Variants in SLC4A5 observed in about 807,000 individuals in gnomAD.
The protein encoded by SLC4A5 is solute carrier family 4 member 5, also known as electrogenic sodium bicarbonate cotransporter 4.
Under a neutral mutation model 120.4 loss-of-function variants are expected in SLC4A5, and 96 were observed. That is an observed-to-expected ratio of 0.80 (90% CI 0.68 to 0.94). The LOEUF is 0.94. Among genes scored for constraint, SLC4A5 ranks in the 40% least tolerant of loss-of-function variants. The pLI, the probability that SLC4A5 is intolerant of heterozygous loss-of-function variation, is 0.00. For missense variants in SLC4A5, 1,259 were observed against 1,459.5 expected, an observed-to-expected ratio of 0.86 and a Z score of 2.24; for synonymous variants, 550 against 571.1, an observed-to-expected ratio of 0.96 and a Z score of 0.53.
chr2:74,250,683 G>A, intron 16 of SLC4A5, 166 bp from the exon 17 acceptor site: 2 of 774,426 alleles, frequency 2.6e-6, no homozygotes, highest in South Asian at 1.8e-5. Context: ...ATGAATTCCT[G>A]TAGGACTGAG....
At chr2:74,267,081 G>A (rs1671323940) in intron 8 of SLC4A5, among the ~76,000 whole-genome samples, 1 of 152,182 alleles carries the variant, frequency 6.6e-6, no homozygotes, top group African/African-American at 2.4e-5. Context: ...AACCTTACCA[G>A]TAATCATGGA....
chr2:74,336,841 C>T (rs11887601), intron 3 of SLC4A5, among the ~76,000 whole-genome samples: 11,227 of 152,268 alleles, frequency 0.074, 1,371 homozygotes, highest in African/African-American at 0.25. Context: ...TGATACTCCC[C>T]TTACCTCTCT....
chr2:74,293,919 T>C (rs1198030201), intron 7 of SLC4A5, among the ~76,000 whole-genome samples: 1 of 152,086 alleles, frequency 6.6e-6, no homozygotes, highest in African/African-American at 2.4e-5. Flanking sequence ...GTCATAAGAA[T>C]AGTTAGATTA....
At chr2:74,228,340 G>A (rs1265375828) in intron 25 of SLC4A5, among the ~76,000 whole-genome samples, 1 of 152,126 alleles carries the variant, frequency 6.6e-6, no homozygotes, top group African/African-American at 2.4e-5. Flanking sequence ...CAGAAATCAC[G>A]CATCCGGCCG....
chr2:74,311,933 T>C (rs1274397924), intron 6 of SLC4A5, among the ~76,000 whole-genome samples: 1 of 152,242 alleles, frequency 6.6e-6, no homozygotes. Context: ...CTGATTTGTC[T>C]GTTCGTCTTC....
intron 17 of SLC4A5, 38 bp downstream of exon 17, chr2:74,250,305 A>G (rs751055371): frequency 1.3e-6 from 2 of 1,594,774 alleles, no homozygotes; most frequent in Non-Finnish European, 8.6e-7. Context: ...GTGGCGGCAG[A>G]TCTTACTTTT....
At chr2:74,280,687 T>G (rs1346313490) in intron 8 of SLC4A5, among the ~76,000 whole-genome samples, 1 of 73,002 alleles carries the variant, frequency 1.4e-5, no homozygotes, top group Admixed American at 1.4e-4. Flanking sequence ...TATACAGGAT[T>G]TTTTTTTTTT....
intron 8 of SLC4A5, among the ~76,000 whole-genome samples, chr2:74,272,524 G>C (rs1671508662): frequency 6.6e-6 from 1 of 152,168 alleles, no homozygotes; most frequent in South Asian, 2.1e-4. Context: ...AGGTCAAGTG[G>C]AAAGAAAATC....
chr2:74,229,116 T>TTTTTTTTTTTTTTG lies in SLC4A5; in HGVS notation c.2848-1239_2848-1238insCAAAAAAAAAAAAA, dbSNP rs1553451209. Among the ~76,000 whole-genome samples the TTTTTTTTTTTTTTG allele has an allele frequency of 4.2e-4, 58 of 136,516 alleles. 2 individuals are homozygous for TTTTTTTTTTTTTTG. Among genetic ancestry groups the TTTTTTTTTTTTTTG allele is most frequent in the African/African-American group, 1.3e-3 (45 of 34,432 alleles). 89.6% of individuals were successfully genotyped at this position (136,516 alleles called of 152,430 possible). On this transcript the variant is annotated intron_variant, in intron 25 of 30. Coordinates refer to ENST00000394019, the Ensembl canonical transcript of SLC4A5. ...TCTTAGATTTGAGCTTTTTTTTTTT[T>TTTTTTTTTTTTTTG]CTTGAGACAGAGTCTCGATATGTTG...
intron 28 of SLC4A5, 38 bp from the exon 29 acceptor site, chr2:74,222,990 CACA>C (rs1399995673): frequency 7.1e-7 from 1 of 1,401,164 alleles, no homozygotes; most frequent in Admixed American, 2.1e-5. Context: ...TAAACACCAA[CACA>C]ACAATTTGGC....
At chr2:74,252,872 G>C (rs1037224405) in intron 15 of SLC4A5, 102 bp downstream of exon 15, 5 of 1,383,624 alleles carry the variant, frequency 3.6e-6, no homozygotes, top group Non-Finnish European at 5.1e-6. Flanking sequence ...ACAGGCATGA[G>C]CCACTATGCT....
At chr2:74,219,675 A>T (rs1008707730) in intron 30 of SLC4A5, among the ~76,000 whole-genome samples, 2 of 152,132 alleles carry the variant, frequency 1.3e-5, no homozygotes, top group Non-Finnish European at 2.9e-5. Context: ...ACCTGGTCCA[A>T]ATTTTCTCTC....
intron 8 of SLC4A5, among the ~76,000 whole-genome samples, chr2:74,272,665 A>G (rs1053289583): frequency 6.6e-6 from 1 of 152,256 alleles, no homozygotes; most frequent in Non-Finnish European, 1.5e-5. Context: ...ATGTAGCTAA[A>G]AGGAACCTTG....
At chr2:74,260,241 A>C (rs1006663570) in intron 11 of SLC4A5, among the ~76,000 whole-genome samples, 1 of 152,216 alleles carries the variant, frequency 6.6e-6, no homozygotes. Flanking sequence ...GGACACCCTC[A>C]GACCTATCGT....
intron 4 of SLC4A5, among the ~76,000 whole-genome samples, chr2:74,332,746 T>C (rs1017531257): frequency 2.0e-5 from 3 of 150,684 alleles, no homozygotes; most frequent in Non-Finnish European, 4.4e-5. Context: ...CGCATGTATG[T>C]GCATGAAAGA....
intron 19 of SLC4A5, among the ~76,000 whole-genome samples, chr2:74,243,465 AG>A (rs1670512384): frequency 6.6e-6 from 1 of 152,158 alleles, no homozygotes; most frequent in Admixed American, 6.5e-5. Context: ...ACCAACCCAG[AG>A]GTTTGTTAGG....
intron 7 of SLC4A5, among the ~76,000 whole-genome samples, chr2:74,296,786 C>CAAAAA (rs11374814): frequency 1.4e-5 from 1 of 73,020 alleles, no homozygotes; most frequent in African/African-American, 4.6e-5. Flanking sequence ...GACTCTGTCT[C>CAAAAA]AAAAAAAAAA....
rs1448555396 is a variant in SLC4A5, at chr2:74,233,553, G to C, written c.2444C>G (p.Pro815Arg). The C allele has an allele frequency of 3.1e-6, 5 of 1,612,248 alleles. No homozygotes were observed. In the African/African-American group the frequency reaches 6.7e-5, roughly 22 times the overall value. The change falls in exon 23 of 31, where the codon CCT becomes CGT. Residue 815 changes from proline to arginine, a missense_variant. Coordinates refer to ENST00000394019, the Ensembl canonical transcript of SLC4A5. ...GGGGGCCACGAACCAGCCTCGGTCA[G>C]GCCGCGTTGGCTGAGTGGGAGCAAA...
At chr2:74,262,279 G>T in intron 10 of SLC4A5, 47 bp from the exon 11 acceptor site, 1 of 1,544,254 alleles carries the variant, frequency 6.5e-7, no homozygotes, top group Non-Finnish European at 8.9e-7. Context: ...CCTTGCTGGT[G>T]TAGCGAAGCC....
Sources: allele counts gnomAD v4.1 joint callset (sites outside exome capture counted in the v4.1 genomes callset), GRCh38; gene constraint gnomAD v4.1.1; transcripts MANE v1.5; gene names NCBI Gene and HGNC (gene_info 2026-07-23, HGNC 2026-07-21).